The following ZNF800 variants were observed in gnomAD, a reference collection of about 807,000 sequenced individuals.
The protein encoded by ZNF800 is zinc finger protein 800.
ZNF800 carries 13 observed loss-of-function variants against 59.5 expected under a neutral mutation model. The observed-to-expected ratio is 0.22, with a 90% CI of 0.14 to 0.35. The LOEUF (loss-of-function observed/expected upper bound fraction) is 0.35. ZNF800 is among the 10% of genes least tolerant of loss of function. The pLI is 1.00. For missense variants in ZNF800, 621 were observed against 783.7 expected, an observed-to-expected ratio of 0.79 and a Z score of 2.48; for synonymous variants, 266 against 265.7, an observed-to-expected ratio of 1.00 and a Z score of -0.01.
intron 1 of ZNF800, chr7:127,362,233 T>C (rs888071678): frequency 1.3e-5 from 2 of 152,076 alleles, no homozygotes; most frequent in African/African-American, 4.8e-5. Context: ...TCTTCAGAAA[T>C]ACAAATAGCC....
Position 127,392,074 on chromosome 7 carries a change from G to T in ZNF800, c.-73C>A. On this transcript the variant is annotated 5_prime_UTR_variant, in exon 1 of 6. Transcript: ENST00000265827. ...GCCCAACTTACTCAACTCTTAGGGC[G>T]GGCCGGCGGGCGGGCGGAAGGAAGG... The T allele has an allele frequency of 2.6e-6, 1 of 391,374 alleles. No homozygotes were observed. The highest frequency in any genetic ancestry group is 4.5e-6 in the Non-Finnish European group (1 of 221,564). The allele number at this position is 391,374 out of a possible 1,614,324, so 24.2% of individuals were successfully genotyped here.
intron 5 of ZNF800, chr7:127,372,941 C>A: frequency 1.0e-6 from 1 of 984,868 alleles, no homozygotes; most frequent in Non-Finnish European, 1.2e-6. Context: ...ATATATTTAA[C>A]TTTCCTACAA....
At chr7:127,391,713 C>G (rs1801325114) in intron 1 of ZNF800, 98 bp from the exon 2 acceptor site, 5 of 676,256 alleles carry the variant, frequency 7.4e-6, no homozygotes, top group Non-Finnish European at 1.3e-5. Context: ...TCTCCGCTTT[C>G]CCTCCACGGA....
Position 127,374,658 on chromosome 7 carries a change from A to C in ZNF800, c.678T>G (p.Phe226Leu). The change falls in exon 5 of 6, where the codon TTT becomes TTG. Residue 226 changes from phenylalanine to leucine, a missense_variant. Transcript: ENST00000265827. ...ADLETSDNSD[F>L]GHQLICCLCR... ...AAAGACAACATATCAACTGGTGACC[A>C]AAATCAGAATTGTCAGAAGTTTCCA... 1 of 1,614,012 alleles carries C rather than the reference A, an allele frequency of 6.2e-7. No homozygotes were observed. The highest frequency in any genetic ancestry group is 8.5e-7 in the Non-Finnish European group (1 of 1,179,892).
chr7:127,388,004 G>A (rs572642972), intron 2 of ZNF800, among the ~76,000 whole-genome samples: 1 of 150,774 alleles, frequency 6.6e-6, no homozygotes, highest in South Asian at 2.1e-4. Flanking sequence ...AAGAACATAA[G>A]AATCCAGACC....
intron 1 of ZNF800, among the ~76,000 whole-genome samples, chr7:127,355,913 C>T (rs1800261670): frequency 1.3e-5 from 2 of 151,874 alleles, no homozygotes; most frequent in Non-Finnish European, 1.5e-5. Context: ...TGTTTGGTAA[C>T]CATCTTCCAG....
chr7:127,367,492 T>C (rs1049118578), downstream of ZNF800, among the ~76,000 whole-genome samples: 1 of 152,150 alleles, frequency 6.6e-6, no homozygotes, highest in Non-Finnish European at 1.5e-5. Flanking sequence ...TTTTACTTCA[T>C]AGAGTTGTTG....
chr7:127,386,870 A>T (rs1801150563), intron 2 of ZNF800, among the ~76,000 whole-genome samples: 1 of 152,160 alleles, frequency 6.6e-6, no homozygotes, highest in Admixed American at 6.5e-5. Context: ...AACATAGGTT[A>T]TAGAATATGA....
At chr7:127,379,904 G>A (rs1013160794) in intron 3 of ZNF800, among the ~76,000 whole-genome samples, 4 of 132,660 alleles carry the variant, frequency 3.0e-5, no homozygotes, top group African/African-American at 1.2e-4. Context: ...GAGAGAGAGC[G>A]CAAGTGTGTG....
downstream of ZNF800, among the ~76,000 whole-genome samples, chr7:127,343,185 A>G (rs186974299): frequency 3.1e-4 from 47 of 152,012 alleles, no homozygotes; most frequent in African/African-American, 1.1e-3. Context: ...ACATTCATAA[A>G]GCAACAAAAT....
At chr7:127,369,361 A>G (rs1346351713), downstream of ZNF800, among the ~76,000 whole-genome samples, 1 of 152,122 alleles carries the variant, frequency 6.6e-6, no homozygotes, top group Non-Finnish European at 1.5e-5. Flanking sequence ...TAACAATACA[A>G]AATCACCTAA....
intron 4 of ZNF800, 38 bp from the exon 5 acceptor site, chr7:127,375,072 T>G (rs764023081): frequency 6.9e-7 from 1 of 1,454,500 alleles, no homozygotes; most frequent in Non-Finnish European, 9.1e-7. Flanking sequence ...CTGAAGTAAT[T>G]AGCCTGCTGT....
At chr7:127,371,901 A>G in intron 5 of ZNF800, 87 bp from the exon 6 acceptor site, 1 of 631,808 alleles carries the variant, frequency 1.6e-6, no homozygotes, top group South Asian at 1.8e-5. Flanking sequence ...ATTACTTCTA[A>G]AAGATGGTTT....
In ZNF800 at chr7:127,370,738, G is replaced by C. The variant is rs1273969794; in HGVS notation, c.*1076C>G. 6.6e-6 allele frequency: 1 copy of C among 152,302 alleles called. No homozygotes were observed. The highest frequency in any genetic ancestry group is 1.5e-5 in the Non-Finnish European group (1 of 67,912). 9.4% of individuals were successfully genotyped at this position (152,302 alleles called of 1,614,324 possible). ...ACAAAATATTGATACACAAAAACCT[G>C]CCCAAAATTTCATAAAGATAGATGT... is the stretch of plus-strand genomic sequence containing the variant. On this transcript the variant is annotated 3_prime_UTR_variant, in exon 6 of 6. Transcript: ENST00000265827.
intron 1 of ZNF800, among the ~76,000 whole-genome samples, chr7:127,357,133 G>A (rs1800286925): frequency 6.6e-6 from 1 of 152,120 alleles, no homozygotes; most frequent in Admixed American, 6.5e-5. Context: ...GTACGTGGTG[G>A]TAAATAGGCT....
chr7:127,367,689 C>T (rs1010002764), downstream of ZNF800, among the ~76,000 whole-genome samples: 3 of 152,112 alleles, frequency 2.0e-5, no homozygotes, highest in African/African-American at 7.2e-5. Context: ...AATGTTAAGA[C>T]TTGAAGTCTC....
Position 127,374,274 on chromosome 7 carries a change from G to A in ZNF800, c.1062C>T (p.Tyr354=), listed in dbSNP as rs527378333. Residue 354 remains tyrosine (Y), a synonymous_variant, in exon 5 of 6, where the codon TAC becomes TAT. Transcript: ENST00000265827. ...GGAGGCATTTGCATGCAGTTAAATT[G>A]TATTCAGCCTTTGAAGAAGACTTTT... ...RKQKSSSKAE[Y]NLTACKCLLC... is the part of the protein sequence containing the mutation. 1.5e-5 allele frequency: 24 copies of A among 1,613,810 alleles called. No homozygotes were observed. In the South Asian group the frequency reaches 2.6e-4, roughly 18 times the overall value.
Position 127,392,274 on chromosome 7 carries a change from G to C in ZNF800, c.-273C>G, listed in dbSNP as rs1004553055. 2.6e-6 allele frequency: 1 copy of C among 391,972 alleles called. No homozygotes were observed. The highest frequency in any genetic ancestry group is 4.5e-5 in the Admixed American group (1 of 22,454). 24.3% of individuals were successfully genotyped at this position (391,972 alleles called of 1,614,324 possible). On this transcript the variant is annotated 5_prime_UTR_variant, in exon 1 of 6. Coordinates refer to ENST00000265827, the MANE Select transcript of ZNF800 (RefSeq NM_176814.5). The stretch of plus-strand genomic sequence containing the variant: ...CACAGCTCACCACGTCCCTCCGCGG[G>C]CCGAGACGACTGCGGCGGCGGCTCA...
intron 2 of ZNF800, among the ~76,000 whole-genome samples, chr7:127,388,935 C>G (rs1587457554): frequency 1.3e-5 from 2 of 152,126 alleles, no homozygotes; most frequent in Non-Finnish European, 2.9e-5. Context: ...ATCATCCTCC[C>G]AAGATCAGAC....
Sources: gnomAD v4.1 joint callset for allele counts (sites outside exome capture counted in the v4.1 genomes callset) on GRCh38, gnomAD v4.1.1 for gene constraint, MANE v1.5 for transcripts, NCBI Gene and HGNC (gene_info 2026-07-23, HGNC 2026-07-21) for gene names.